JPT2: variants seen among roughly 807,000 people sequenced by gnomAD.
The protein encoded by JPT2 is Jupiter microtubule associated homolog 2.
Under a neutral mutation model 15.9 loss-of-function variants are expected in JPT2, and 9 were observed. That is an observed-to-expected ratio of 0.57 (90% confidence interval 0.34 to 0.99). The LOEUF is 0.99. Among genes scored for constraint, JPT2 ranks in the 50% least tolerant of loss-of-function variants. JPT2 has a pLI of 0.02. For synonymous variants in JPT2, 95 were observed against 91.7 expected, an observed-to-expected ratio of 1.04 and a Z score of -0.21; for missense variants, 267 against 252.1, an observed-to-expected ratio of 1.06 and a Z score of -0.40.
intron 2 of JPT2, 92 bp from the exon 3 acceptor site, chr16:1,691,751 A>G (rs369491509): frequency 4.1e-6 from 6 of 1,449,846 alleles, no homozygotes; most frequent in South Asian, 1.3e-5. Context: ...CGGGGTTCCT[A>G]TGAGAGGAGG....
intron 3 of JPT2, among the ~76,000 whole-genome samples, chr16:1,693,248 C>T (rs981052762): frequency 6.6e-6 from 1 of 152,154 alleles, no homozygotes; most frequent in Non-Finnish European, 1.5e-5. Context: ...ATGCATGCAC[C>T]ACCACGTCCG....
chr16:1,693,068 ACT>A (rs1450226386), intron 3 of JPT2, among the ~76,000 whole-genome samples: 1 of 151,624 alleles, frequency 6.6e-6, no homozygotes, highest in African/African-American at 2.4e-5. Flanking sequence ...GACCTGTTAG[ACT>A]CTGCTGAGGT....
At chr16:1,682,515 T>C (rs1213635825) in intron 1 of JPT2, among the ~76,000 whole-genome samples, 1 of 151,458 alleles carries the variant, frequency 6.6e-6, no homozygotes, top group South Asian at 2.1e-4. Context: ...CTACTAAAAA[T>C]AGAAAAATTA....
chr16:1,679,367 A>T (rs1391692302), intron 1 of JPT2, among the ~76,000 whole-genome samples: 1 of 152,218 alleles, frequency 6.6e-6, no homozygotes, highest in African/African-American at 2.4e-5. Flanking sequence ...ATAAATACTA[A>T]GTAAAAGAAT....
At chr16:1,680,498 G>A in intron 1 of JPT2, 1 of 1,248,972 alleles carries the variant, frequency 8.0e-7, no homozygotes, top group Non-Finnish European at 1.0e-6. Context: ...TGGATGATGA[G>A]GTATCACTGG....
At chr16:1,688,161 C>A (rs555059527) in intron 2 of JPT2, among the ~76,000 whole-genome samples, 4 of 152,188 alleles carry the variant, frequency 2.6e-5, no homozygotes, top group African/African-American at 9.7e-5. Context: ...ATTTGGTGTT[C>A]GCTATAACTA....
In JPT2 at chr16:1,685,436, T is replaced by C. The variant is rs1596505902; in HGVS notation, c.45-3T>C. ...GTAATTGGCATGTACTCTGTGCTTG[T>C]AGGGCCATGAAGCCCCCAGGAGGAG... On this transcript the variant is annotated splice_polypyrimidine_tract_variant and splice_region_variant and intron_variant, in intron 1 of 4. Coordinates refer to ENST00000248098, the MANE Select transcript of JPT2 (RefSeq NM_144570.3). 8 of 1,613,936 alleles carry C rather than the reference T, an allele frequency of 5.0e-6. No homozygotes were observed. In the African/African-American group the frequency reaches 8.0e-5, roughly 16 times the overall value.
rs1231651320 is a variant in JPT2, at chr16:1,697,878, T to C, written c.385+18T>C. On this transcript the variant is annotated intron_variant, in intron 4 of 4. Coordinates refer to ENST00000248098, the MANE Select transcript of JPT2 (RefSeq NM_144570.3). ...TCTTAAAGGTGAGCTTTTGTTTTCT[T>C]TCCCTTCTCCTGAGTGGCCTCATTA... 15 of 1,611,112 alleles carry C rather than the reference T, an allele frequency of 9.3e-6. No individual in the cohort carries two copies. The East Asian group carries it at 3.3e-4, about 36-fold the overall frequency.
chr16:1,700,721 A>G lies in JPT2; in HGVS notation c.*1723A>G. On this transcript the variant is annotated 3_prime_UTR_variant, in exon 5 of 5. Transcript: ENST00000248098. ...TCATTGATGCAACTTGAAAGGAAACAGTTTAATGGTGGAAATGAACTACCA... is the reference window on the plus strand; with the variant it reads ...TCATTGATGCAACTTGAAAGGAAACGGTTTAATGGTGGAAATGAACTACCA... 6.5e-6 allele frequency: 1 copy of G among 153,024 alleles called. No homozygotes were observed. Among genetic ancestry groups the G allele is most frequent in the East Asian group, 1.9e-4 (1 of 5,218 alleles). 9.5% of individuals were successfully genotyped at this position (153,024 alleles called of 1,614,324 possible).
chr16:1,692,601 CTAAGGCCAG>C (rs2037111957), intron 3 of JPT2: 1 of 154,484 alleles, frequency 6.5e-6, no homozygotes, highest in African/African-American at 2.4e-5. Context: ...GAGGGCTTGC[CTAAGGCCAG>C]TCTCGGCTTT....
chr16:1,696,848 C>G (rs2037145723), intron 3 of JPT2, among the ~76,000 whole-genome samples: 1 of 152,182 alleles, frequency 6.6e-6, no homozygotes, highest in Admixed American at 6.5e-5. Flanking sequence ...TGCAGAGAAA[C>G]TGGAGCCCTC....
intron 1 of JPT2, among the ~76,000 whole-genome samples, chr16:1,681,777 T>C (rs1423475998): frequency 2.6e-5 from 4 of 151,780 alleles, no homozygotes; most frequent in Admixed American, 6.6e-5. Context: ...GAAGCAAGGG[T>C]GAAAGGCAGA....
chr16:1,678,499 C>A, intron 1 of JPT2, 143 bp downstream of exon 1: 6 of 864,482 alleles, frequency 6.9e-6, no homozygotes, highest in Non-Finnish European at 7.6e-6. Context: ...GGGGCCGCCG[C>A]CCGCCTTTCT....
downstream of JPT2, among the ~76,000 whole-genome samples, chr16:1,702,460 G>T (rs1212811082): frequency 1.3e-5 from 2 of 152,240 alleles, no homozygotes; most frequent in Non-Finnish European, 2.9e-5. Context: ...AGTCTAGAAG[G>T]ACGCGGGTGC....
Position 1,691,925 on chromosome 16 carries a change from C to T in JPT2, c.276C>T (p.Ser92=), listed in dbSNP as rs756604685. ...QHLNPPGGKT[S]DIFGSPVTAT... ...TGAACCCACCTGGAGGGAAGACCAGCGACATTTTTGGGTCTCCGGTCACTG... is the reference window on the plus strand; with the variant it reads ...TGAACCCACCTGGAGGGAAGACCAGTGACATTTTTGGGTCTCCGGTCACTG... Residue 92 remains serine, a synonymous_variant, in exon 3 of 5, where the codon AGC becomes AGT. Transcript: ENST00000248098. 24 of 1,614,010 alleles carry T rather than the reference C, an allele frequency of 1.5e-5. No individual in the cohort carries two copies. The highest frequency in any genetic ancestry group is 6.7e-5 in the East Asian group (3 of 44,882).
Position 1,680,449 on chromosome 16 carries a change from T to C in JPT2, c.44+2093T>C, listed in dbSNP as rs958509389. ...AGGTGTTGAGAAAGGGAGAAAACTC[T>C]TCCTTTTAGGATGGTGAGGAAGGAA... On this transcript the variant is annotated intron_variant, in intron 1 of 4. Transcript: ENST00000248098. 7.3e-6 allele frequency: 9 copies of C among 1,231,532 alleles called. No homozygotes were observed. In the African/African-American group the frequency reaches 1.4e-4, roughly 19 times the overall value. 76.3% of individuals were successfully genotyped at this position (1,231,532 alleles called of 1,614,324 possible).
At position 1,698,233 on chromosome 16, in the gene JPT2, C is replaced by G. The variant is rs1187162142; in HGVS notation, c.385+373C>G. ...ATGGAGGATGGGGAGGCGGGTGTCT[C>G]CATGGTGAGTCACCCCGGGGGAGTG... On this transcript the variant is annotated intron_variant, in intron 4 of 4. Transcript: ENST00000248098. This position sits in a 1 kb window ranked among gnomAD's most constrained non-coding sequence, Gnocchi z 4.9. 6.6e-6 allele frequency among the ~76,000 whole-genome samples: 1 copy of G among 152,196 alleles called. No individual in the cohort carries two copies. The highest frequency in any genetic ancestry group is 1.5e-5 in the Non-Finnish European group (1 of 68,026).
chr16:1,685,820 G>A (rs1478482295), intron 2 of JPT2: 1 of 364,766 alleles, frequency 2.7e-6, no homozygotes, highest in African/African-American at 2.1e-5. Context: ...CAGGCACTGA[G>A]GACACAAAAG....
At chr16:1,680,321 C>T (rs536400125) in intron 1 of JPT2, 7 of 1,002,318 alleles carry the variant, frequency 7.0e-6, no homozygotes, top group Admixed American at 1.2e-4. Flanking sequence ...TCACCCTGAG[C>T]GACGCCGATG....
Sources: allele counts gnomAD v4.1 joint callset (sites outside exome capture counted in the v4.1 genomes callset), GRCh38; gene constraint gnomAD v4.1.1; non-coding constraint Gnocchi (gnomAD v3.1); transcripts MANE v1.5; gene names NCBI Gene and HGNC (gene_info 2026-07-23, HGNC 2026-07-21).